The following RBFOX1 variants were observed in gnomAD, a reference collection of about 807,000 sequenced individuals.
RBFOX1 encodes RNA binding fox-1 homolog 1.
A neutral mutation model predicts 57.7 loss-of-function variants in RBFOX1; 8 were observed. The ratio of observed to expected loss-of-function variants is 0.14; its 90% CI spans 0.08 to 0.25. RBFOX1 has a LOEUF of 0.25. RBFOX1 is among the 10% of genes least tolerant of loss of function. RBFOX1 has a pLI of 1.00. For synonymous variants in RBFOX1, 326 were observed against 222.4 expected, an observed-to-expected ratio of 1.47 and a Z score of -4.15; for missense variants, 611 against 548.5, an observed-to-expected ratio of 1.11 and a Z score of -1.14.
At position 5,366,255 on chromosome 16, in the gene RBFOX1, G is replaced by A. The variant is rs182279702; in HGVS notation, c.220-100961G>A. 935 of 406,008 alleles carry A rather than the reference G, an allele frequency of 2.3e-3. 8 individuals are homozygous for A. Among genetic ancestry groups the A allele is most frequent in the African/African-American group, 0.017 (835 of 48,226 alleles). The allele number at this position is 406,008 out of a possible 1,614,324, so 25.2% of individuals were successfully genotyped here. A position where few individuals can be genotyped will look rare whatever the true frequency, so the allele number is the denominator to read the frequency against. The stretch of plus-strand genomic sequence containing the variant: ...TGGTAGCATGGTTCCACAGAAAAAA[G>A]TAAAACTTGCTGCCGATGAAGATGA... On this transcript the variant is annotated intron_variant, in intron 1 of 2. Transcript: ENST00000585867.
chr16:6,042,205 G>A (rs948565063), intron 1 of RBFOX1, among the ~76,000 whole-genome samples: 5 of 151,740 alleles, frequency 3.3e-5, no homozygotes, highest in Non-Finnish European at 1.5e-5. Context: ...AGTTCAAGTG[G>A]TTCTCCTGCC....
At chr16:6,708,388 A>G (rs1240384426) in intron 3 of RBFOX1, among the ~76,000 whole-genome samples, 1 of 152,096 alleles carries the variant, frequency 6.6e-6, no homozygotes, top group Non-Finnish European at 1.5e-5. Flanking sequence ...ATTTTTTCCT[A>G]AATCAGACAG....
At chr16:5,959,604 A>C (rs1333279687) in intron 4 of RBFOX1, among the ~76,000 whole-genome samples, 1 of 152,230 alleles carries the variant, frequency 6.6e-6, no homozygotes, top group East Asian at 1.9e-4. Flanking sequence ...TGGTAAGCCC[A>C]AAGCAAAAAT....
chr16:6,625,184 AAG>A (rs1291703273), intron 2 of RBFOX1, among the ~76,000 whole-genome samples: 1 of 144,524 alleles, frequency 6.9e-6, no homozygotes, highest in African/African-American at 2.5e-5. Flanking sequence ...AAAAAAAAAA[AAG>A]GTATTCTGGT....
intron 3 of RBFOX1, among the ~76,000 whole-genome samples, chr16:6,717,926 A>C (rs2065157765): frequency 6.6e-6 from 1 of 152,208 alleles, no homozygotes; most frequent in Non-Finnish European, 1.5e-5. Flanking sequence ...ATAAAGCTTC[A>C]GTTCCACATA....
In RBFOX1 at chr16:7,138,383, C is replaced by G. The variant is rs181849639; in HGVS notation, c.27+86285C>G. 9.2e-5 allele frequency among the ~76,000 whole-genome samples: 14 copies of G among 152,276 alleles called. No homozygotes were observed. The East Asian group carries it at 2.3e-3, about 25-fold the overall frequency. ...AAATCTTGGCTTTGGCACTATGTCA[C>G]ATGGGCAAGTCATGTAACTTTCTGG... On this transcript the variant is annotated intron_variant, in intron 4 of 15. Coordinates refer to ENST00000550418, the MANE Select transcript of RBFOX1 (RefSeq NM_018723.4).
At chr16:6,505,823 C>T (rs577973784) in intron 2 of RBFOX1, among the ~76,000 whole-genome samples, 1 of 152,170 alleles carries the variant, frequency 6.6e-6, no homozygotes, top group Non-Finnish European at 1.5e-5. Flanking sequence ...TCATTCATTT[C>T]AAATGTATCC....
chr16:6,511,568 A>C (rs1229645186), intron 2 of RBFOX1, among the ~76,000 whole-genome samples: 2 of 152,218 alleles, frequency 1.3e-5, no homozygotes, highest in Admixed American at 1.3e-4. Context: ...AATTATTGTC[A>C]AATTGAGTCC....
chr16:6,570,401 G>A (rs1306918817), intron 2 of RBFOX1, among the ~76,000 whole-genome samples: 1 of 152,044 alleles, frequency 6.6e-6, no homozygotes, highest in East Asian at 1.9e-4. Flanking sequence ...TTATATGAAA[G>A]ATAGAAGAAG....
At chr16:7,005,442 G>C (rs62016453) in intron 3 of RBFOX1, among the ~76,000 whole-genome samples, 18,353 of 152,202 alleles carry the variant, frequency 0.12, 1,162 homozygotes, top group East Asian at 0.18. Flanking sequence ...AAAAGTTTCT[G>C]GGTTATGTCT....
chr16:6,476,934 T>C (rs369665039), intron 2 of RBFOX1, among the ~76,000 whole-genome samples: 1 of 152,244 alleles, frequency 6.6e-6, no homozygotes, highest in Non-Finnish European at 1.5e-5. Context: ...CTTTACTAGA[T>C]GTAGATTCCA....
intron 1 of RBFOX1, among the ~76,000 whole-genome samples, chr16:6,196,246 TC>T (rs1306825521): frequency 6.6e-6 from 1 of 152,178 alleles, no homozygotes; most frequent in Non-Finnish European, 1.5e-5. Context: ...AATTCAGGAT[TC>T]CTAAGCTCGT....
At chr16:6,367,691 C>A (rs1215787505) in intron 2 of RBFOX1, among the ~76,000 whole-genome samples, 2 of 150,630 alleles carry the variant, frequency 1.3e-5, no homozygotes, top group East Asian at 3.9e-4. Flanking sequence ...AGGATGGGAG[C>A]CAATGCCTAC....
chr16:7,652,402 C>G (rs2065259867), intron 11 of RBFOX1, among the ~76,000 whole-genome samples: 1 of 152,136 alleles, frequency 6.6e-6, no homozygotes, highest in South Asian at 2.1e-4. Flanking sequence ...GAAGATATCC[C>G]CGCCCACATT....
At chr16:5,986,322 C>G (rs2060285161) in intron 4 of RBFOX1, among the ~76,000 whole-genome samples, 1 of 152,210 alleles carries the variant, frequency 6.6e-6, no homozygotes, top group Non-Finnish European at 1.5e-5. Flanking sequence ...CCCCGGCCTC[C>G]CATAGTGCTG....
intron 4 of RBFOX1, among the ~76,000 whole-genome samples, chr16:5,932,048 C>A (rs552175691): frequency 4.1e-4 from 62 of 152,282 alleles, no homozygotes; most frequent in South Asian, 3.5e-3. Flanking sequence ...AAGCAGTCCT[C>A]CCGCCTTGGC....
intron 3 of RBFOX1, among the ~76,000 whole-genome samples, chr16:5,609,745 A>C (rs1359651546): frequency 6.6e-6 from 1 of 152,082 alleles, no homozygotes. Context: ...CCTGACCACA[A>C]ATGCTTTTCC....
chr16:5,965,595 A>C (rs1051776550), intron 4 of RBFOX1, among the ~76,000 whole-genome samples: 1 of 152,170 alleles, frequency 6.6e-6, no homozygotes, highest in Non-Finnish European at 1.5e-5. Flanking sequence ...AACATTTTTA[A>C]TGACTGGCAC....
At chr16:6,869,264 G>A (rs2060460805) in intron 3 of RBFOX1, among the ~76,000 whole-genome samples, 1 of 152,112 alleles carries the variant, frequency 6.6e-6, no homozygotes, top group South Asian at 2.1e-4. Context: ...GTGTCAATAT[G>A]TTTCTCATAA....
Sources: gnomAD v4.1 joint callset for allele counts (sites outside exome capture counted in the v4.1 genomes callset) on GRCh38, gnomAD v4.1.1 for gene constraint, MANE v1.5 for transcripts, NCBI Gene and HGNC (gene_info 2026-07-23, HGNC 2026-07-21) for gene names.